Variants in SLC8A1 observed in about 807,000 individuals in gnomAD.
SLC8A1 encodes sodium/calcium exchanger 1.
In SLC8A1, 18 loss-of-function variants were observed where a neutral mutation model predicts 68.3. The observed-to-expected ratio is 0.26, with a 90% CI of 0.18 to 0.39. SLC8A1 has a LOEUF of 0.39. SLC8A1 is among the 10% of genes least tolerant of loss of function. The pLI is 1.00. For synonymous variants in SLC8A1, 475 were observed against 415.5 expected (o/e 1.14, Z -1.74); for missense variants, 985 against 1,156.7 (o/e 0.85, Z 2.15).
intron 6 of SLC8A1, among the ~76,000 whole-genome samples, chr2:40,154,677 T>C (rs997457943): frequency 6.6e-6 from 1 of 151,992 alleles, no homozygotes; most frequent in Non-Finnish European, 1.5e-5. Context: ...GTTTTCTTTT[T>C]TGTTTTTGGA....
At chr2:40,335,863 C>G (rs1183069965) in intron 2 of SLC8A1, among the ~76,000 whole-genome samples, 1 of 152,126 alleles carries the variant, frequency 6.6e-6, no homozygotes, top group Non-Finnish European at 1.5e-5. Flanking sequence ...GTGGAATGAG[C>G]CTATCAGAGA....
intron 2 of SLC8A1, among the ~76,000 whole-genome samples, chr2:40,390,051 T>C (rs1010381542): frequency 2.6e-5 from 4 of 152,030 alleles, no homozygotes; most frequent in African/African-American, 9.7e-5. Context: ...CTGTATAATA[T>C]TCCATAATAT....
chr2:40,366,683 G>A (rs1438369609), intron 2 of SLC8A1, among the ~76,000 whole-genome samples: 4 of 151,754 alleles, frequency 2.6e-5, no homozygotes, highest in Non-Finnish European at 4.4e-5. Context: ...TCTTTTTCTG[G>A]CCCTTTAACT....
At chr2:40,444,193 G>T (rs1276975008) in intron 1 of SLC8A1, among the ~76,000 whole-genome samples, 3 of 151,996 alleles carry the variant, frequency 2.0e-5, no homozygotes, top group African/African-American at 7.3e-5. Context: ...TAAAAAATTA[G>T]CCAGGCACAG....
chr2:40,478,801 C>A (rs561950260), intron 1 of SLC8A1, among the ~76,000 whole-genome samples: 1 of 148,094 alleles, frequency 6.8e-6, no homozygotes, highest in Non-Finnish European at 1.5e-5. Flanking sequence ...GACAGAGTTT[C>A]GCTCTTGTTG....
intron 2 of SLC8A1, among the ~76,000 whole-genome samples, chr2:40,224,296 C>T (rs2058704642): frequency 6.6e-6 from 1 of 152,070 alleles, no homozygotes; most frequent in African/African-American, 2.4e-5. Context: ...CTTCAGGAGG[C>T]AGAGTCAGAG....
chr2:40,111,364 G>C (rs1035160126), exon 8 of SLC8A1: 2 of 152,088 alleles, frequency 1.3e-5, no homozygotes, highest in African/African-American at 2.4e-5. Flanking sequence ...TTAAACCAAA[G>C]GCTGGTACTC....
At chr2:40,252,270 T>C (rs1190582244) in intron 2 of SLC8A1, among the ~76,000 whole-genome samples, 4 of 152,186 alleles carry the variant, frequency 2.6e-5, no homozygotes, top group Non-Finnish European at 1.5e-5. Context: ...TGACAAAATA[T>C]AAAGCAGCTC....
chr2:40,316,721 G>A (rs1005243921), intron 2 of SLC8A1, among the ~76,000 whole-genome samples: 4 of 151,844 alleles, frequency 2.6e-5, no homozygotes. Context: ...TGCAAATCTT[G>A]ATTTATATCA....
intron 2 of SLC8A1, among the ~76,000 whole-genome samples, chr2:40,329,180 A>G (rs2149367066): frequency 6.6e-6 from 1 of 152,224 alleles, no homozygotes; most frequent in South Asian, 2.1e-4. Flanking sequence ...TTTCCCTTGA[A>G]TGAATACTCT....
At chr2:40,264,580 C>G (rs1184014164) in intron 2 of SLC8A1, among the ~76,000 whole-genome samples, 1 of 152,110 alleles carries the variant, frequency 6.6e-6, no homozygotes, top group African/African-American at 2.4e-5. Flanking sequence ...AACCATCATT[C>G]TCAGCAAACT....
chr2:40,423,827 T>C (rs891594289), intron 2 of SLC8A1, among the ~76,000 whole-genome samples: 1 of 152,046 alleles, frequency 6.6e-6, no homozygotes, highest in Non-Finnish European at 1.5e-5. Context: ...ATAATAGCTA[T>C]GCATTCAGAA....
intron 6 of SLC8A1, among the ~76,000 whole-genome samples, chr2:40,148,447 G>C (rs2148354293): frequency 6.6e-6 from 1 of 152,288 alleles, no homozygotes; most frequent in African/African-American, 2.4e-5. Flanking sequence ...TCTGAACATA[G>C]GGTTTGAAAG....
chr2:40,418,478 G>A (rs929593544), intron 2 of SLC8A1, among the ~76,000 whole-genome samples: 2 of 152,118 alleles, frequency 1.3e-5, no homozygotes, highest in African/African-American at 4.8e-5. Context: ...CAACATGTCA[G>A]GATATTCTGA....
chr2:40,146,305 G>A (rs1429352323), intron 6 of SLC8A1, among the ~76,000 whole-genome samples: 2 of 152,130 alleles, frequency 1.3e-5, no homozygotes, highest in Admixed American at 1.3e-4. Context: ...TTTCTCTGCC[G>A]AATGGTTACT....
intron 1 of SLC8A1, among the ~76,000 whole-genome samples, chr2:40,460,351 G>T (rs1403485541): frequency 1.3e-5 from 2 of 152,100 alleles, no homozygotes; most frequent in African/African-American, 4.8e-5. Flanking sequence ...AATATCTGTT[G>T]AATAAATGAT....
At chr2:40,427,309 A>G (rs1043872825) in intron 2 of SLC8A1, among the ~76,000 whole-genome samples, 1 of 152,068 alleles carries the variant, frequency 6.6e-6, no homozygotes, top group African/African-American at 2.4e-5. Flanking sequence ...GAGAAATTTC[A>G]TATTTAAAGA....
chr2:40,265,306 A>C (rs2065226241), intron 2 of SLC8A1, among the ~76,000 whole-genome samples: 1 of 152,220 alleles, frequency 6.6e-6, no homozygotes, highest in Non-Finnish European at 1.5e-5. Flanking sequence ...ATTAAGATCT[A>C]GCATTCAAAC....
intron 2 of SLC8A1, among the ~76,000 whole-genome samples, chr2:40,310,285 C>T (rs930794066): frequency 3.3e-5 from 5 of 152,112 alleles, no homozygotes; most frequent in African/African-American, 4.8e-5. Context: ...ACGGTGTAGC[C>T]CTAAGGGTTA....
Sources: allele counts gnomAD v4.1 joint callset (sites outside exome capture counted in the v4.1 genomes callset), GRCh38; gene constraint gnomAD v4.1.1; transcripts MANE v1.5; gene names NCBI Gene and HGNC (gene_info 2026-07-23, HGNC 2026-07-21).